STRN3: variants seen among roughly 807,000 people sequenced by gnomAD.
STRN3 encodes striatin 3.
Under a neutral mutation model 95.6 loss-of-function variants are expected in STRN3, and 29 were observed. That is an observed-to-expected ratio of 0.30 (90% CI 0.23 to 0.41). The LOEUF is 0.41. Among genes scored for constraint, STRN3 ranks in the 10% least tolerant of loss-of-function variants. The probability of loss-of-function intolerance (pLI) is 1.00; values close to 1 mark genes in which losing one functional copy is unlikely to be tolerated. For missense variants in STRN3, 890 were observed against 972.1 expected (o/e 0.92, Z 1.12); for synonymous variants, 331 against 357.6 (o/e 0.93, Z 0.84).
chr14:30,896,489 G>A (rs1029317701), intron 16 of STRN3, among the ~76,000 whole-genome samples: 4 of 149,924 alleles, frequency 2.7e-5, no homozygotes, highest in African/African-American at 9.8e-5. Flanking sequence ...GCTAGCCTGG[G>A]CAACATAGTG....
intron 16 of STRN3, 112 bp from the exon 17 acceptor site, chr14:30,895,860 TGTG>T (rs2138926710): frequency 1.1e-6 from 1 of 871,306 alleles, no homozygotes; most frequent in African/African-American, 1.7e-5. Context: ...ACTTTTTTAT[TGTG>T]GTAAAATATA....
At chr14:30,992,099 C>CA (rs1234050463) in intron 1 of STRN3, among the ~76,000 whole-genome samples, 1 of 147,832 alleles carries the variant, frequency 6.8e-6, no homozygotes, top group Non-Finnish European at 1.5e-5. Context: ...AACAACAACA[C>CA]AAAAAAAGCA....
rs144044161 is a variant in STRN3 at position 30,941,637 on chromosome 14, T to TC, written c.717-5014dup. On this transcript the variant is annotated intron_variant, in intron 5 of 17. Coordinates refer to ENST00000357479, the MANE Select transcript of STRN3 (RefSeq NM_001083893.2). Reference sequence around the variant, plus strand: ...CATTGTGCTTCTTAAACTTTTTTTTTCCCCCCAAGATGGAGTTTCCCTTTG... The same window carrying TC: ...CATTGTGCTTCTTAAACTTTTTTTTTCCCCCCCAAGATGGAGTTTCCCTTTG... 3.1e-3 allele frequency among the ~76,000 whole-genome samples: 470 copies of TC among 152,038 alleles called. 3 individuals are homozygous for TC. The highest frequency in any genetic ancestry group is 0.01 in the African/African-American group (434 of 41,456).
chr14:30,957,182 C>T (rs1481865607), intron 1 of STRN3, among the ~76,000 whole-genome samples: 2 of 142,530 alleles, frequency 1.4e-5, no homozygotes, highest in Non-Finnish European at 1.5e-5. Context: ...GGGCCGAGCG[C>T]GGCGGCTCAC....
At chr14:30,956,929 CA>C (rs1310844112) in intron 1 of STRN3, among the ~76,000 whole-genome samples, 1 of 152,292 alleles carries the variant, frequency 6.6e-6, no homozygotes, top group African/African-American at 2.4e-5. Context: ...GAGGCCGAGG[CA>C]GGCAGATCAC....
At chr14:31,017,091 C>T (rs150680226) in intron 1 of STRN3, among the ~76,000 whole-genome samples, 11 of 151,876 alleles carry the variant, frequency 7.2e-5, no homozygotes, top group Admixed American at 7.2e-4. Context: ...GAGATCAAGG[C>T]TGCAGTGAGC....
At chr14:30,959,647 C>T (rs1880089749) in intron 1 of STRN3, among the ~76,000 whole-genome samples, 2 of 152,008 alleles carry the variant, frequency 1.3e-5, no homozygotes, top group Admixed American at 1.3e-4. Context: ...ACACATTCCC[C>T]ATGGCATCAA....
At chr14:30,946,483 G>T (rs1293274382) in intron 5 of STRN3, among the ~76,000 whole-genome samples, 1 of 152,168 alleles carries the variant, frequency 6.6e-6, no homozygotes, top group Non-Finnish European at 1.5e-5. Flanking sequence ...GTCAGAGGCT[G>T]CCATGAGCCG....
intron 1 of STRN3, among the ~76,000 whole-genome samples, chr14:31,012,925 T>C (rs1172020294): frequency 6.6e-6 from 1 of 151,694 alleles, no homozygotes; most frequent in African/African-American, 2.4e-5. Context: ...GGATGCTCTC[T>C]ATTAGCAGGT....
Position 31,026,366 on chromosome 14 carries a change from T to A in STRN3, c.-181A>T. On this transcript the variant is annotated 5_prime_UTR_variant, in exon 1 of 18. Coordinates refer to ENST00000357479, the MANE Select transcript of STRN3 (RefSeq NM_001083893.2). ...GAGCTGCCGGCTGCCGCCATTACAATCCCTCCTCCATCTGCCCGTCTCACT... is the reference window on the plus strand; with the variant it reads ...GAGCTGCCGGCTGCCGCCATTACAAACCCTCCTCCATCTGCCCGTCTCACT... The A allele has an allele frequency of 4.3e-6, 1 of 234,116 alleles. No individual in the cohort carries two copies. Among genetic ancestry groups the A allele is most frequent in the Non-Finnish European group, 6.5e-6 (1 of 152,696 alleles). 14.5% of individuals were successfully genotyped at this position (234,116 alleles called of 1,614,324 possible). A position where few individuals can be genotyped will look rare whatever the true frequency, so the allele number is the denominator to read the frequency against.
At chr14:30,929,954 CA>C (rs1191963792) in intron 7 of STRN3, among the ~76,000 whole-genome samples, 7,642 of 40,174 alleles carry the variant, frequency 0.19, 746 homozygotes, top group South Asian at 0.48. Context: ...CTAAGATTAG[CA>C]AAAAAAAAAA....
intron 5 of STRN3, among the ~76,000 whole-genome samples, chr14:30,937,206 C>T (rs926621268): frequency 2.6e-5 from 4 of 151,996 alleles, no homozygotes. Context: ...CTCAGCTACT[C>T]AGGAGGCTGA....
chr14:30,963,760 CA>C (rs1226908784), intron 1 of STRN3, among the ~76,000 whole-genome samples: 1 of 151,678 alleles, frequency 6.6e-6, no homozygotes, highest in Non-Finnish European at 1.5e-5. Context: ...TCTCTGACCA[CA>C]AAAAAATCAA....
At chr14:31,013,516 C>T (rs1413837555) in intron 1 of STRN3, among the ~76,000 whole-genome samples, 2 of 151,948 alleles carry the variant, frequency 1.3e-5, no homozygotes, top group Non-Finnish European at 2.9e-5. Flanking sequence ...AAAAAGTAGT[C>T]GATTACTAAC....
intron 1 of STRN3, among the ~76,000 whole-genome samples, chr14:31,000,499 G>C (rs1194843754): frequency 7.6e-6 from 1 of 130,752 alleles, no homozygotes; most frequent in African/African-American, 2.9e-5. Flanking sequence ...ACAATTCCAA[G>C]TCACTGCAAG....
intron 1 of STRN3, among the ~76,000 whole-genome samples, chr14:30,967,245 G>C (rs2139182119): frequency 7.0e-6 from 1 of 142,232 alleles, no homozygotes. Context: ...GCAGGGTGGG[G>C]GGGAAGAGAG....
intron 3 of STRN3, 92 bp downstream of exon 3, chr14:30,955,528 T>C (rs1465669092): frequency 1.9e-6 from 2 of 1,076,122 alleles, no homozygotes; most frequent in East Asian, 2.7e-5. Flanking sequence ...CATTCTCTAA[T>C]ATTATCAAAC....
At chr14:30,981,607 C>CA (rs1555323903) in intron 1 of STRN3, among the ~76,000 whole-genome samples, 4 of 150,034 alleles carry the variant, frequency 2.7e-5, no homozygotes, top group South Asian at 2.1e-4. Context: ...CACACACACA[C>CA]CCCATAATTC....
chr14:30,918,360 T>C (rs1356435385), intron 9 of STRN3, among the ~76,000 whole-genome samples: 1 of 151,758 alleles, frequency 6.6e-6, no homozygotes, highest in Admixed American at 6.6e-5. Context: ...TACAAAAAAT[T>C]GGCCGGGGAA....
Sources: allele counts gnomAD v4.1 joint callset (sites outside exome capture counted in the v4.1 genomes callset), GRCh38; gene constraint gnomAD v4.1.1; transcripts MANE v1.5; gene names NCBI Gene and HGNC (gene_info 2026-07-23, HGNC 2026-07-21).